Variants in EHD3 observed in about 807,000 individuals in gnomAD.
EHD3 encodes the protein EH domain-containing protein 3.
Under a neutral mutation model 43.0 loss-of-function variants are expected in EHD3, and 17 were observed. That is an observed-to-expected ratio of 0.40 (90% CI 0.27 to 0.59). The LOEUF (loss-of-function observed/expected upper bound fraction) is 0.59, where lower values mean the gene tolerates loss of function less well. Among genes scored for constraint, EHD3 ranks in the 20% least tolerant of loss-of-function variants. EHD3 has a pLI of 0.49. For synonymous variants in EHD3, 313 were observed against 289.5 expected (o/e 1.08, Z -0.82); for missense variants, 594 against 705.6 (o/e 0.84, Z 1.79).
intron 3 of EHD3, among the ~76,000 whole-genome samples, chr2:31,251,690 T>C (rs1298538220): frequency 1.3e-5 from 2 of 152,032 alleles, no homozygotes; most frequent in Non-Finnish European, 2.9e-5. Context: ...GTGGAGGTGA[T>C]AGGGAGCTGG....
At chr2:31,265,398 G>A (rs906390756) in intron 5 of EHD3, among the ~76,000 whole-genome samples, 1 of 152,200 alleles carries the variant, frequency 6.6e-6, no homozygotes, top group African/African-American at 2.4e-5. Flanking sequence ...GTTGTGTACA[G>A]TAGCTACAAT....
chr2:31,258,959 G>A (rs1054655537), intron 3 of EHD3, among the ~76,000 whole-genome samples: 1 of 152,204 alleles, frequency 6.6e-6, no homozygotes, highest in Admixed American at 6.5e-5. Flanking sequence ...GACAGTCAGA[G>A]CTTCTTAAGT....
intron 3 of EHD3, among the ~76,000 whole-genome samples, chr2:31,256,977 C>T (rs544378348): frequency 5.9e-5 from 9 of 152,248 alleles, no homozygotes; most frequent in African/African-American, 1.9e-4. Context: ...TGTTCTGAGC[C>T]ATTGAGCCAA....
intron 3 of EHD3, among the ~76,000 whole-genome samples, chr2:31,254,247 C>T (rs750052143): frequency 2.0e-5 from 3 of 152,228 alleles, no homozygotes; most frequent in Non-Finnish European, 2.9e-5. Flanking sequence ...AACCTCTCAT[C>T]TCCAGGTTTC....
intron 1 of EHD3, among the ~76,000 whole-genome samples, chr2:31,243,645 C>T (rs1683466014): frequency 6.6e-6 from 1 of 151,630 alleles, no homozygotes; most frequent in South Asian, 2.1e-4. Flanking sequence ...TTAGTAGAGA[C>T]AGGTTTCACC....
chr2:31,269,089 T>G lies in EHD3; in HGVS notation c.*2385T>G, dbSNP rs1684006737. The G allele has an allele frequency of 6.6e-6, 1 of 152,248 alleles. No homozygotes were observed. Among genetic ancestry groups the G allele is most frequent in the Non-Finnish European group, 1.5e-5 (1 of 68,062 alleles). 9.4% of individuals were successfully genotyped at this position (152,248 alleles called of 1,614,324 possible). ...GCAGTGCCCTCTAGCCTTGCTGCCT[T>G]GGCTTTCTGACCCCTTCCAGGCTTC... On this transcript the variant is annotated 3_prime_UTR_variant, in exon 6 of 6. Coordinates refer to ENST00000322054, the MANE Select transcript of EHD3 (RefSeq NM_014600.3).
intron 1 of EHD3, among the ~76,000 whole-genome samples, chr2:31,236,532 G>A (rs1168928479): frequency 1.3e-5 from 2 of 152,164 alleles, no homozygotes; most frequent in African/African-American, 4.8e-5. Flanking sequence ...GAGCTGCCTG[G>A]GTTGCCTGCA....
At chr2:31,238,582 A>C (rs1683363447) in intron 1 of EHD3, among the ~76,000 whole-genome samples, 1 of 152,210 alleles carries the variant, frequency 6.6e-6, no homozygotes, top group African/African-American at 2.4e-5. Flanking sequence ...GCCTCTTTGG[A>C]GTACAGTAGC....
rs142118054 is a variant in EHD3, at chr2:31,261,557, C to G, written c.924C>G (p.Ala308=). 3 of 1,614,204 alleles carry G rather than the reference C, an allele frequency of 1.9e-6. No individual in the cohort carries two copies. Among genetic ancestry groups the G allele is most frequent in the Non-Finnish European group, 1.7e-6 (2 of 1,180,020 alleles). Reference sequence around the variant, plus strand: ...CTGGCCCTGTTTGTCAGGTCCACGCCTACATCATCAGCTCTCTGAAGAAGG... The same window carrying G: ...CTGGCCCTGTTTGTCAGGTCCACGCGTACATCATCAGCTCTCTGAAGAAGG... ...IKRARLAKVH[A]YIISSLKKEM... The change falls in exon 5 of 6, where the codon GCC becomes GCG. Residue 308 remains alanine (A), a synonymous_variant. Transcript: ENST00000322054.
rs533167299 is a variant in EHD3 at position 31,249,314 on chromosome 2, G to A, written c.405-57G>A. The A allele has an allele frequency of 2.1e-4, 310 of 1,508,916 alleles. 3 individuals are homozygous for A. In the South Asian group the frequency reaches 3.2e-3, roughly 16 times the overall value. The allele number at this position is 1,508,916 out of a possible 1,614,324, so 93.5% of individuals were successfully genotyped here. A position where few individuals can be genotyped will look rare whatever the true frequency, so the allele number is the denominator to read the frequency against. ...AGACAAGACAGGTGGTTGGAGTCATGCGGCTAGGTCATGAAAGGTGGGCGA... is the reference window on the plus strand; with the variant it reads ...AGACAAGACAGGTGGTTGGAGTCATACGGCTAGGTCATGAAAGGTGGGCGA... On this transcript the variant is annotated intron_variant, in intron 2 of 5. Coordinates refer to ENST00000322054, the MANE Select transcript of EHD3 (RefSeq NM_014600.3).
At chr2:31,263,800 GGA>G (rs1267365205) in intron 5 of EHD3, among the ~76,000 whole-genome samples, 5 of 152,202 alleles carry the variant, frequency 3.3e-5, no homozygotes, top group African/African-American at 7.2e-5. Context: ...CCCAGCTTCT[GGA>G]GAGTTAGGTG....
chr2:31,257,187 G>T (rs1160610371), intron 3 of EHD3, among the ~76,000 whole-genome samples: 2 of 152,218 alleles, frequency 1.3e-5, no homozygotes, highest in Non-Finnish European at 2.9e-5. Context: ...TTGCAGAGGT[G>T]GGGGTTGGGG....
intron 3 of EHD3, among the ~76,000 whole-genome samples, chr2:31,251,711 C>T (rs1683639187): frequency 6.6e-6 from 1 of 152,102 alleles, no homozygotes; most frequent in South Asian, 2.1e-4. Context: ...AACCCCTGGC[C>T]TGGGAAAATA....
At position 31,243,448 on chromosome 2, in the gene EHD3, C is replaced by CTTTTTTTTTTTTTTTTTTTT. The variant is rs1310045883; in HGVS notation, c.228-823_228-822insTTTTTTTTTTTTTTTTTTTT. ...TCTTTCTTTCTTTCTTTCTTTCTTT[C>CTTTTTTTTTTTTTTTTTTTT]TTTCTTTCTTTCTTTTTTTTTTTTT... is the stretch of plus-strand genomic sequence containing the variant. On this transcript the variant is annotated intron_variant, in intron 1 of 5. Coordinates refer to ENST00000322054, the MANE Select transcript of EHD3 (RefSeq NM_014600.3). 9.0e-5 allele frequency among the ~76,000 whole-genome samples: 6 copies of CTTTTTTTTTTTTTTTTTTTT among 67,008 alleles called. 2 individuals carry two copies. The highest frequency in any genetic ancestry group is 2.0e-4 in the Admixed American group (1 of 5,004). The allele number at this position is 67,008 out of a possible 152,430, so 44.0% of individuals were successfully genotyped here. A position where few individuals can be genotyped will look rare whatever the true frequency, so the allele number is the denominator to read the frequency against.
intron 2 of EHD3, among the ~76,000 whole-genome samples, chr2:31,248,652 C>T (rs946098167): frequency 6.6e-6 from 1 of 152,216 alleles, no homozygotes; most frequent in African/African-American, 2.4e-5. Context: ...GGATTCTGGC[C>T]TGGCTCCTGG....
At chr2:31,254,406 C>T (rs758862264) in intron 3 of EHD3, among the ~76,000 whole-genome samples, 7 of 152,174 alleles carry the variant, frequency 4.6e-5, no homozygotes, top group Non-Finnish European at 7.3e-5. Context: ...GGTACAGGCA[C>T]GCCTGTGTGG....
At position 31,266,695 on chromosome 2, in the gene EHD3, T is replaced by C. The variant is rs1237936220; in HGVS notation, c.1599T>C (p.Val533=). ...AHLLPPSKRK[V]AE is the part of the protein sequence containing the mutation. Reference sequence around the variant, plus strand: ...TCCTGCCCCCGTCCAAGAGGAAAGTTGCCGAGTGATGGGGTGGGGGGACAT... The same window carrying C: ...TCCTGCCCCCGTCCAAGAGGAAAGTCGCCGAGTGATGGGGTGGGGGGACAT... Residue 533 remains valine (V), a synonymous_variant, in exon 6 of 6, where the codon GTT becomes GTC. Coordinates refer to ENST00000322054, the MANE Select transcript of EHD3 (RefSeq NM_014600.3). This position sits in a 1 kb window ranked among gnomAD's most constrained non-coding sequence, Gnocchi z 5.1. The C allele has an allele frequency of 6.2e-7, 1 of 1,600,354 alleles. No homozygotes were observed. The highest frequency in any genetic ancestry group is 8.5e-7 in the Non-Finnish European group (1 of 1,172,618).
At chr2:31,261,894 A>G (rs774305881) in intron 5 of EHD3, among the ~76,000 whole-genome samples, 181 bp downstream of exon 5, 6 of 152,318 alleles carry the variant, frequency 3.9e-5, no homozygotes, top group Non-Finnish European at 8.8e-5. Flanking sequence ...AACAGGGGCC[A>G]TGTCTGGGCC....
chr2:31,238,591 G>T (rs1683363569), intron 1 of EHD3, among the ~76,000 whole-genome samples: 1 of 152,210 alleles, frequency 6.6e-6, no homozygotes, highest in Non-Finnish European at 1.5e-5. Flanking sequence ...GAGTACAGTA[G>T]CTCTGTGTCC....
Sources: allele counts gnomAD v4.1 joint callset (sites outside exome capture counted in the v4.1 genomes callset), GRCh38; gene constraint gnomAD v4.1.1; non-coding constraint Gnocchi (gnomAD v3.1); transcripts MANE v1.5; gene names NCBI Gene and HGNC (gene_info 2026-07-23, HGNC 2026-07-21).